ATP8A2: variants seen among roughly 807,000 people sequenced by gnomAD.
ATP8A2 encodes the protein phospholipid-transporting ATPase IB.
Under a neutral mutation model 165.6 loss-of-function variants are expected in ATP8A2, and 100 were observed. The observed-to-expected ratio is 0.60, with a 90% CI of 0.51 to 0.71. The LOEUF (loss-of-function observed/expected upper bound fraction) is 0.71, where lower values mean the gene tolerates loss of function less well. Ranked by LOEUF, ATP8A2 falls within the 30% of genes least tolerant of loss-of-function variation. The probability of loss-of-function intolerance (pLI) is 0.00; values close to 1 mark genes in which losing one functional copy is unlikely to be tolerated. For missense variants in ATP8A2, 1,227 were observed against 1,479.5 expected, an observed-to-expected ratio of 0.83 and a Z score of 2.80; for synonymous variants, 543 against 548.8, an observed-to-expected ratio of 0.99 and a Z score of 0.15.
chr13:25,726,571 G>C (rs144769741), intron 25 of ATP8A2, among the ~76,000 whole-genome samples: 212 of 152,086 alleles, frequency 1.4e-3, no homozygotes, highest in African/African-American at 4.7e-3. Context: ...CTCTGCTTCT[G>C]TTGTCACATT....
intron 4 of ATP8A2, among the ~76,000 whole-genome samples, chr13:25,531,044 C>A (rs1220814884): frequency 6.6e-6 from 1 of 151,598 alleles, no homozygotes; most frequent in Non-Finnish European, 1.5e-5. Flanking sequence ...TCACAATCAT[C>A]CTAGTGTACC....
chr13:25,407,354 C>T (rs1163985677), intron 1 of ATP8A2, among the ~76,000 whole-genome samples: 1 of 152,124 alleles, frequency 6.6e-6, no homozygotes, highest in African/African-American at 2.4e-5. Context: ...TATGAAGACC[C>T]TTCCTCACTA....
At chr13:25,602,915 C>CA (rs1168457087) in intron 24 of ATP8A2, among the ~76,000 whole-genome samples, 2 of 151,778 alleles carry the variant, frequency 1.3e-5, no homozygotes, top group Non-Finnish European at 2.9e-5. Context: ...ACTAAAAATA[C>CA]AAAAAAATTA....
chr13:25,859,811 G>T (rs187984238), intron 30 of ATP8A2, among the ~76,000 whole-genome samples: 1 of 152,162 alleles, frequency 6.6e-6, no homozygotes, highest in Non-Finnish European at 1.5e-5. Flanking sequence ...AAAATGTAAA[G>T]ATGAATCATA....
At chr13:25,831,658 C>T (rs749133520) in intron 28 of ATP8A2, among the ~76,000 whole-genome samples, 7 of 151,996 alleles carry the variant, frequency 4.6e-5, no homozygotes, top group Admixed American at 6.5e-5. Context: ...GCCTGGCCAA[C>T]ATGGTGAAAC....
chr13:25,976,900 GC>G (rs1332648599), intron 35 of ATP8A2, among the ~76,000 whole-genome samples: 2 of 152,094 alleles, frequency 1.3e-5, no homozygotes, highest in African/African-American at 4.8e-5. Context: ...GCAATTCTCT[GC>G]CTCAGCCTCC....
intron 27 of ATP8A2, among the ~76,000 whole-genome samples, chr13:25,792,873 A>G (rs939171131): frequency 2.0e-5 from 3 of 151,772 alleles, no homozygotes; most frequent in African/African-American, 4.8e-5. Flanking sequence ...GCAGTGAGCT[A>G]TGATCACAGC....
chr13:25,763,892 G>T (rs564989355), intron 25 of ATP8A2, among the ~76,000 whole-genome samples: 1 of 152,252 alleles, frequency 6.6e-6, no homozygotes, highest in African/African-American at 2.4e-5. Context: ...TAATAAATAG[G>T]ATTGGTTAAT....
chr13:25,421,052 T>C (rs1297610459), intron 1 of ATP8A2, among the ~76,000 whole-genome samples: 1 of 152,226 alleles, frequency 6.6e-6, no homozygotes, highest in Non-Finnish European at 1.5e-5. Context: ...ACTTAGGATT[T>C]TGTCTGTTGT....
At chr13:25,521,713 A>G (rs565111634) in intron 2 of ATP8A2, among the ~76,000 whole-genome samples, 66 of 151,786 alleles carry the variant, frequency 4.3e-4, no homozygotes, top group African/African-American at 1.4e-3. Context: ...GGTTCTCTCT[A>G]TTTCTCTTTT....
chr13:25,744,307 G>T (rs2043980135), intron 25 of ATP8A2, among the ~76,000 whole-genome samples: 1 of 151,548 alleles, frequency 6.6e-6, no homozygotes, highest in Non-Finnish European at 1.5e-5. Flanking sequence ...CCTGCACATG[G>T]CATCTGGCTC....
Position 25,530,078 on chromosome 13 carries a change from C to T in ATP8A2, c.301C>T (p.Leu101Phe), listed in dbSNP as rs1016762181. Reference protein sequence around the residue: ...QIRRAANAFFLFIALLQQIPD... With the variant: ...QIRRAANAFFFFIALLQQIPD... ...TAGAAGAGCTGCTAATGCCTTCTTTCTCTTCATTGCCTTATTACAGGTAAT... is the reference window on the plus strand; with the variant it reads ...TAGAAGAGCTGCTAATGCCTTCTTTTTCTTCATTGCCTTATTACAGGTAAT... The change falls in exon 3 of 37, where the codon CTC becomes TTC. Residue 101 changes from leucine (L) to phenylalanine (F), a missense_variant. Physicochemically the swap from Leu to Phe is conservative, Grantham distance 22. Around this residue, in one of 5 missense-constraint regions of ATP8A2, gnomAD observed 356 missense variants for 394.9 expected, o/e 0.90. Coordinates refer to ENST00000381655, the MANE Select transcript of ATP8A2 (RefSeq NM_016529.6). The T allele has an allele frequency of 1.2e-6, 2 of 1,604,352 alleles. No homozygotes were observed. The highest frequency in any genetic ancestry group is 1.7e-5 in the Admixed American group (1 of 59,836).
chr13:25,483,379 T>C (rs2036262162), intron 2 of ATP8A2, among the ~76,000 whole-genome samples: 1 of 152,158 alleles, frequency 6.6e-6, no homozygotes, highest in Non-Finnish European at 1.5e-5. Context: ...TTCACCCCAG[T>C]ATGAGACCAC....
intron 1 of ATP8A2, among the ~76,000 whole-genome samples, chr13:25,416,259 A>G (rs1210494000): frequency 6.6e-6 from 1 of 152,178 alleles, no homozygotes; most frequent in Non-Finnish European, 1.5e-5. Flanking sequence ...GAAAATAAAC[A>G]TTTGTTGAAT....
At chr13:25,553,373 T>G (rs761395966) in intron 11 of ATP8A2, among the ~76,000 whole-genome samples, 2 of 152,220 alleles carry the variant, frequency 1.3e-5, no homozygotes, top group Non-Finnish European at 2.9e-5. Context: ...TTTGTCCATC[T>G]TTCCAGCTCT....
chr13:25,551,632 C>A (rs565844210), intron 11 of ATP8A2, 129 bp downstream of exon 11: 2 of 776,040 alleles, frequency 2.6e-6, no homozygotes, highest in Non-Finnish European at 3.9e-6. Context: ...ATAATGCCAG[C>A]CTTTCAAGGA....
chr13:25,601,197 C>T (rs1311632337), intron 24 of ATP8A2, among the ~76,000 whole-genome samples: 1 of 152,136 alleles, frequency 6.6e-6, no homozygotes, highest in Non-Finnish European at 1.5e-5. Flanking sequence ...AGTCTTTGCC[C>T]TATGGTAAAT....
rs74334553 is a variant in ATP8A2, at chr13:25,411,315, G to T, written c.76+39027G>T. ...TCAGGTGTGTTTCCACATGGTTGCTGGTTCCTGAGAGGTGGCTAGTACTGT... is the reference window on the plus strand; with the variant it reads ...TCAGGTGTGTTTCCACATGGTTGCTTGTTCCTGAGAGGTGGCTAGTACTGT... On this transcript the variant is annotated intron_variant, in intron 1 of 36. Coordinates refer to ENST00000381655, the MANE Select transcript of ATP8A2 (RefSeq NM_016529.6). Among the ~76,000 whole-genome samples, 1,127 of 152,262 alleles carry T rather than the reference G, an allele frequency of 7.4e-3. 13 individuals carry two copies. The highest frequency in any genetic ancestry group is 0.025 in the African/African-American group (1,025 of 41,548).
At position 26,005,030 on chromosome 13, in the gene ATP8A2, A is replaced by G. The variant is rs181906467; in HGVS notation, c.3378-7501A>G. 1.2e-4 allele frequency among the ~76,000 whole-genome samples: 18 copies of G among 152,014 alleles called. No individual in the cohort carries two copies. In the East Asian group the frequency reaches 1.4e-3, roughly 11 times the overall value. ...GGTTTGGAAGTATCCCTTCCACTTC[A>G]GTATTTTGGAAAAGTTTGAGAATTG... On this transcript the variant is annotated intron_variant, in intron 35 of 36. Coordinates refer to ENST00000381655, the MANE Select transcript of ATP8A2 (RefSeq NM_016529.6).
Sources: gnomAD v4.1 joint callset for allele counts (sites outside exome capture counted in the v4.1 genomes callset) on GRCh38, gnomAD v4.1.1 for gene constraint, gnomAD v4.1.1 regional missense constraint, MANE v1.5 for transcripts, NCBI Gene and HGNC (gene_info 2026-07-23, HGNC 2026-07-21) for gene names.